The following FAT2 variants were observed in gnomAD, a reference collection of about 807,000 sequenced individuals.
FAT2 encodes protocadherin Fat 2.
Under a neutral mutation model 295.3 loss-of-function variants are expected in FAT2, and 150 were observed. The ratio of observed to expected loss-of-function variants is 0.51; its 90% CI spans 0.44 to 0.58. The LOEUF (loss-of-function observed/expected upper bound fraction) is 0.58. FAT2 is among the 20% of genes least tolerant of loss of function. The pLI is 0.00. For missense variants in FAT2, 4,868 were observed against 5,442.7 expected, an observed-to-expected ratio of 0.89 and a Z score of 3.32; for synonymous variants, 2,026 against 2,150.3, an observed-to-expected ratio of 0.94 and a Z score of 1.60.
rs1753537819 is a variant in FAT2 at position 151,522,191 on chromosome 5, C to T, written c.10507-105G>A. Reference sequence around the variant, plus strand: ...GAGCTACGTTTCTCTGCCCCACGCCCAACTTGAGGGCTGGCTCAGCGCATT... The same window carrying T: ...GAGCTACGTTTCTCTGCCCCACGCCTAACTTGAGGGCTGGCTCAGCGCATT... On this transcript the variant is annotated intron_variant, in intron 18 of 23. Coordinates refer to ENST00000261800, the MANE Select transcript of FAT2 (RefSeq NM_001447.3). 5.8e-6 allele frequency: 5 copies of T among 868,320 alleles called. No homozygotes were observed. The East Asian group carries it at 1.3e-4, about 23-fold the overall frequency. 53.8% of individuals were successfully genotyped at this position (868,320 alleles called of 1,614,324 possible).
chr5:151,592,540 T>A (rs1425244279), upstream of FAT2, among the ~76,000 whole-genome samples: 1 of 152,160 alleles, frequency 6.6e-6, no homozygotes, highest in Non-Finnish European at 1.5e-5. Context: ...AGCAATCAGT[T>A]TGAGCTCTTA....
rs1271145279 is a variant in FAT2, at chr5:151,568,349, C to T, written c.583G>A (p.Ala195Thr). 1 of 1,613,970 alleles carries T rather than the reference C, an allele frequency of 6.2e-7. No individual in the cohort carries two copies. The highest frequency in any genetic ancestry group is 8.5e-7 in the Non-Finnish European group (1 of 1,179,990). ...YAFNTRSEMFAIHPTSGVVTV... is the reference protein window; with the variant it reads ...YAFNTRSEMFTIHPTSGVVTV... ...ACCACACCGCTGGTGGGATGGATGGCAAACATCTCTGACCTTGTGTTAAAG... is the reference window on the plus strand; with the variant it reads ...ACCACACCGCTGGTGGGATGGATGGTAAACATCTCTGACCTTGTGTTAAAG... The change falls in exon 2 of 24, where the codon GCC (alanine) becomes ACC (threonine). Residue 195 changes from alanine to threonine, a missense_variant. Ala to Thr is a moderately conservative substitution (Grantham distance 58). Around this residue, in one of 5 missense-constraint regions of FAT2, gnomAD observed 3,297 missense variants for 3,669.4 expected, o/e 0.90. Coordinates refer to ENST00000261800, the MANE Select transcript of FAT2 (RefSeq NM_001447.3).
chr5:151,564,227 A>G (rs1758149036), intron 2 of FAT2, among the ~76,000 whole-genome samples: 1 of 152,236 alleles, frequency 6.6e-6, no homozygotes, highest in South Asian at 2.1e-4. Context: ...TTACACCTGA[A>G]GTTCTCATGG....
chr5:151,564,330 CAGAG>C (rs955430998), intron 2 of FAT2, among the ~76,000 whole-genome samples: 1 of 152,188 alleles, frequency 6.6e-6, no homozygotes, highest in African/African-American at 2.4e-5. Flanking sequence ...AACTGAGGCT[CAGAG>C]AGGGAGCACG....
intron 17 of FAT2, 143 bp from the exon 18 acceptor site, chr5:151,526,108 A>C (rs139803737): frequency 9.7e-6 from 8 of 826,726 alleles, no homozygotes; most frequent in Non-Finnish European, 1.5e-5. Flanking sequence ...GCTGCTGCTC[A>C]TTCATTCTGC....
intron 22 of FAT2, chr5:151,509,491 G>C (rs536785254): frequency 6.5e-6 from 1 of 153,546 alleles, no homozygotes; most frequent in South Asian, 2.0e-4. Context: ...TACCACCTGA[G>C]CTCCGCCTTC....
At chr5:151,515,364 T>C (rs770005612) in intron 20 of FAT2, among the ~76,000 whole-genome samples, 5 of 152,204 alleles carry the variant, frequency 3.3e-5, no homozygotes, top group Non-Finnish European at 7.3e-5. Context: ...TCTACATTGC[T>C]TGGTGATCTC....
intron 19 of FAT2, among the ~76,000 whole-genome samples, chr5:151,520,782 T>C (rs528128431): frequency 2.0e-5 from 3 of 152,320 alleles, no homozygotes; most frequent in African/African-American, 7.2e-5. Flanking sequence ...GTCTAAGCCT[T>C]GAGCTTATAA....
intron 1 of FAT2, among the ~76,000 whole-genome samples, chr5:151,584,873 C>A (rs927509402): frequency 1.3e-5 from 2 of 152,110 alleles, no homozygotes; most frequent in Non-Finnish European, 2.9e-5. Flanking sequence ...CACCTTGAGC[C>A]CCCTTGGAGC....
rs1279889235 is a variant in FAT2, at chr5:151,549,486, G to T, written c.4598C>A (p.Pro1533His). Residue 1533 changes from proline (P) to histidine (H), a missense_variant, in exon 9 of 24, where the codon CCT (proline) becomes CAT (histidine). Coordinates refer to ENST00000261800, the MANE Select transcript of FAT2 (RefSeq NM_001447.3). Reference sequence around the variant, plus strand: ...CACCCACACGAAGTTCCTCTTGATAGGTATTTCCTGGTCTCGGACCTATGG... The same window carrying T: ...CACCCACACGAAGTTCCTCTTGATATGTATTTCCTGGTCTCGGACCTATGG... ...LTVMVRDQEIPIKRNFVWVTI... is the reference protein window; with the variant it reads ...LTVMVRDQEIHIKRNFVWVTI... 14 of 1,614,140 alleles carry T rather than the reference G, an allele frequency of 8.7e-6. No individual in the cohort carries two copies. Among genetic ancestry groups the T allele is most frequent in the Non-Finnish European group, 1.2e-5 (14 of 1,180,016 alleles).
rs773425938 is a variant in FAT2, at chr5:151,510,002, T to A, written c.12059+19A>T. The A allele has an allele frequency of 6.2e-7, 1 of 1,611,354 alleles. No individual in the cohort carries two copies. Among genetic ancestry groups the A allele is most frequent in the South Asian group, 1.1e-5 (1 of 91,010 alleles). On this transcript the variant is annotated intron_variant, in intron 22 of 23. Transcript: ENST00000261800. ...TCCCTAACAAGGAGCCCATGGCAGG[T>A]GGCCTCTCCTGGGATTACCTGTCTC...
rs1282381471 is a variant in FAT2, at chr5:151,512,905, C to A, written c.11464-299G>T. ...TGATCAAGACCCTGTATTTTGGATGCTTCTTCACAGGCCTGTCCAGAGTTC... is the reference window on the plus strand; with the variant it reads ...TGATCAAGACCCTGTATTTTGGATGATTCTTCACAGGCCTGTCCAGAGTTC... On this transcript the variant is annotated intron_variant, in intron 20 of 23. Coordinates refer to ENST00000261800, the MANE Select transcript of FAT2 (RefSeq NM_001447.3). This position sits in a 1 kb window ranked among gnomAD's most constrained non-coding sequence, Gnocchi z 4.1. The A allele has an allele frequency of 5.0e-6, 2 of 396,582 alleles. No individual in the cohort carries two copies. The highest frequency in any genetic ancestry group is 2.0e-5 in the African/African-American group (1 of 49,772). 24.6% of individuals were successfully genotyped at this position (396,582 alleles called of 1,614,324 possible). A position where few individuals can be genotyped will look rare whatever the true frequency, so the allele number is the denominator to read the frequency against.
At chr5:151,523,781 T>C (rs555847161) in intron 18 of FAT2, among the ~76,000 whole-genome samples, 21 of 152,290 alleles carry the variant, frequency 1.4e-4, no homozygotes, top group African/African-American at 5.1e-4. Context: ...TGGACACCTC[T>C]GCTTGGATGT....
rs2127568020 is a variant in FAT2, at chr5:151,510,155, G to A, written c.11925C>T (p.Pro3975=). 6.2e-6 allele frequency: 10 copies of A among 1,614,102 alleles called. No individual in the cohort carries two copies. Among genetic ancestry groups the A allele is most frequent in the Non-Finnish European group, 8.5e-6 (10 of 1,179,986 alleles). Residue 3975 remains proline, a synonymous_variant, in exon 22 of 24, where the codon CCC becomes CCT. Coordinates refer to ENST00000261800, the MANE Select transcript of FAT2 (RefSeq NM_001447.3). ...CACAGTGCTTCCCAGAGAACTGTGGGGGACATTTGCAGACATAGCCTAGGA... is the reference window on the plus strand; with the variant it reads ...CACAGTGCTTCCCAGAGAACTGTGGAGGACATTTGCAGACATAGCCTAGGA... ...THGAGYVCKC[P]PQFSGKHCEQ... is the part of the protein sequence containing the mutation.
chr5:151,532,938 A>G (rs1176064366), intron 13 of FAT2, among the ~76,000 whole-genome samples: 2 of 152,238 alleles, frequency 1.3e-5, no homozygotes, highest in Non-Finnish European at 2.9e-5. Flanking sequence ...ATGCCATGCA[A>G]CTTCCCCATA....
At chr5:151,583,434 G>A (rs1237271674) in intron 1 of FAT2, among the ~76,000 whole-genome samples, 2 of 152,136 alleles carry the variant, frequency 1.3e-5, no homozygotes, top group East Asian at 3.8e-4. Context: ...GGCAAAAGAA[G>A]TCATATATTA....
Position 151,563,455 on chromosome 5 carries a change from C to G in FAT2, c.3444G>C (p.Glu1148Asp), listed in dbSNP as rs2127641877. 4 of 1,614,200 alleles carry G rather than the reference C, an allele frequency of 2.5e-6. No individual in the cohort carries two copies. The highest frequency in any genetic ancestry group is 2.5e-6 in the Non-Finnish European group (3 of 1,180,042). The stretch of plus-strand genomic sequence containing the variant: ...GCACAGAGGTGCCCACGGGAGCATC[C>G]TCCTGGATGGAGGGGTAGAACACAG... ...SQAVFYPSIQEDAPVGTSVLQ... is the reference protein window; with the variant it reads ...SQAVFYPSIQDDAPVGTSVLQ... Residue 1148 changes from glutamate (E) to aspartate (D), a missense_variant, in exon 3 of 24, where the codon GAG (glutamate) becomes GAC (aspartate). Around this residue, in one of 5 missense-constraint regions of FAT2, gnomAD observed 3,297 missense variants for 3,669.4 expected, o/e 0.90. Coordinates refer to ENST00000261800, the MANE Select transcript of FAT2 (RefSeq NM_001447.3).
At chr5:151,513,341 C>T (rs959226263) in intron 20 of FAT2, among the ~76,000 whole-genome samples, 2 of 152,068 alleles carry the variant, frequency 1.3e-5, no homozygotes, top group East Asian at 3.8e-4. Flanking sequence ...ATGGAATCAA[C>T]CTAGATGCTC....
chr5:151,553,184 G>A lies in FAT2; in HGVS notation c.4149C>T (p.Asn1383=), dbSNP rs758805330. 6.2e-7 allele frequency: 1 copy of A among 1,614,254 alleles called. No individual in the cohort carries two copies. Among genetic ancestry groups the A allele is most frequent in the Admixed American group, 1.7e-5 (1 of 60,038 alleles). Reference sequence around the variant, plus strand: ...CCCTAGGCCTTGCCTCACCTGAGATGTTGAACCAGAAGAGTCCGGGTCTGC... The same window carrying A: ...CCCTAGGCCTTGCCTCACCTGAGATATTGAACCAGAAGAGTCCGGGTCTGC... The part of the protein sequence containing the change: ...VEGRPGLFWF[N]ISGGDKDMDF... Residue 1383 remains asparagine, a synonymous_variant, in exon 6 of 24, where the codon AAC becomes AAT. Coordinates refer to ENST00000261800, the MANE Select transcript of FAT2 (RefSeq NM_001447.3).
Sources: allele counts gnomAD v4.1 joint callset (sites outside exome capture counted in the v4.1 genomes callset), GRCh38; gene constraint gnomAD v4.1.1; regional missense constraint gnomAD v4.1.1; non-coding constraint Gnocchi (gnomAD v3.1); transcripts MANE v1.5; gene names NCBI Gene and HGNC (gene_info 2026-07-23, HGNC 2026-07-21).